The following RIMS2 variants were observed in gnomAD, a reference collection of about 807,000 sequenced individuals.
RIMS2 encodes the protein regulating synaptic membrane exocytosis 2.
In RIMS2, 59 loss-of-function variants were observed where a neutral mutation model predicts 174.4. That is an observed-to-expected ratio of 0.34 (90% confidence interval 0.27 to 0.42). RIMS2 has a LOEUF of 0.42. Ranked by LOEUF, RIMS2 falls within the 10% of genes least tolerant of loss-of-function variation. The pLI is 1.00. For synonymous variants in RIMS2, 606 were observed against 572.5 expected, an observed-to-expected ratio of 1.06 and a Z score of -0.84; for missense variants, 1,620 against 1,666.3, an observed-to-expected ratio of 0.97 and a Z score of 0.48.
chr8:103,969,666 A>C (rs1008856088), intron 15 of RIMS2, among the ~76,000 whole-genome samples: 4 of 152,206 alleles, frequency 2.6e-5, no homozygotes, highest in Non-Finnish European at 5.9e-5. Flanking sequence ...TCAGTCTTAT[A>C]AATCCAGCAT....
chr8:104,157,909 T>C (rs1006834675), intron 19 of RIMS2, among the ~76,000 whole-genome samples: 2 of 152,210 alleles, frequency 1.3e-5, no homozygotes, highest in African/African-American at 4.8e-5. Context: ...GGTTTTCTAA[T>C]TATTGTTATT....
chr8:103,731,800 A>G (rs1345252083), intron 2 of RIMS2, among the ~76,000 whole-genome samples: 1 of 152,110 alleles, frequency 6.6e-6, no homozygotes, highest in African/African-American at 2.4e-5. Context: ...ATTCTTTTGA[A>G]TCATTTCAAT....
At chr8:103,883,821 C>T (rs966285443) in intron 3 of RIMS2, among the ~76,000 whole-genome samples, 1 of 151,784 alleles carries the variant, frequency 6.6e-6, no homozygotes. Context: ...CCTGGGCAAA[C>T]TCCTGTTAAT....
chr8:104,148,649 AG>A, intron 19 of RIMS2: 2 of 1,598,188 alleles, frequency 1.3e-6, no homozygotes, highest in Non-Finnish European at 1.7e-6. Flanking sequence ...TGGGCATATC[AG>A]GGAAGAACAT....
intron 1 of RIMS2, among the ~76,000 whole-genome samples, chr8:103,614,112 G>C (rs954177742): frequency 2.0e-5 from 3 of 152,222 alleles, no homozygotes; most frequent in African/African-American, 7.2e-5. Context: ...AAGTTGCCTA[G>C]GAATTGCAGT....
At chr8:103,612,437 G>T (rs1181744902) in intron 1 of RIMS2, among the ~76,000 whole-genome samples, 1 of 152,150 alleles carries the variant, frequency 6.6e-6, no homozygotes, top group Non-Finnish European at 1.5e-5. Context: ...TCTTGAGAAG[G>T]TGTTTCAGGT....
At chr8:103,539,111 A>T (rs1441492421) in intron 1 of RIMS2, among the ~76,000 whole-genome samples, 1 of 152,196 alleles carries the variant, frequency 6.6e-6, no homozygotes, top group African/African-American at 2.4e-5. Context: ...AGGCAGGAGG[A>T]TCACTTGAGT....
At chr8:103,551,939 A>G (rs1483410735) in intron 1 of RIMS2, among the ~76,000 whole-genome samples, 1 of 152,206 alleles carries the variant, frequency 6.6e-6, no homozygotes, top group Non-Finnish European at 1.5e-5. Context: ...CCACTGCTCA[A>G]CGAAATAAAA....
chr8:103,580,848 G>C (rs1339933215), intron 1 of RIMS2, among the ~76,000 whole-genome samples: 1 of 31,752 alleles, frequency 3.1e-5, no homozygotes, highest in Non-Finnish European at 6.2e-5. Context: ...TTTTTTTTTT[G>C]AGACAGAGTC....
intron 19 of RIMS2, among the ~76,000 whole-genome samples, chr8:104,058,498 T>A (rs200043710): frequency 0.013 from 1,974 of 150,538 alleles, 28 homozygotes; most frequent in Middle Eastern, 0.11. Flanking sequence ...GTTGCAAAAA[T>A]TTTCTCCCAT....
intron 2 of RIMS2, among the ~76,000 whole-genome samples, chr8:103,734,720 A>G (rs922348041): frequency 6.6e-6 from 1 of 152,016 alleles, no homozygotes; most frequent in African/African-American, 2.4e-5. Flanking sequence ...AAAGTCTAGC[A>G]TGTCTGAAGC....
At chr8:104,068,577 T>A in intron 19 of RIMS2, 2 of 1,569,900 alleles carry the variant, frequency 1.3e-6, no homozygotes, top group South Asian at 2.3e-5. Context: ...GGTAGCCGGA[T>A]CAGATCCCAG....
rs1252671362 is a variant in RIMS2 at position 103,747,228 on chromosome 8, G to T, written c.388-18999G>T. On this transcript the variant is annotated intron_variant, in intron 2 of 23. Coordinates refer to ENST00000504942, the Ensembl canonical transcript of RIMS2. ...TCTAGCATTAGGTATATCTCCCAATGCTATCCCTCCCCCCTCCCCCCACCC... is the reference window on the plus strand; with the variant it reads ...TCTAGCATTAGGTATATCTCCCAATTCTATCCCTCCCCCCTCCCCCCACCC... Among the ~76,000 whole-genome samples, 3 of 147,028 alleles carry T rather than the reference G, an allele frequency of 2.0e-5. No homozygotes were observed. The East Asian group carries it at 6.1e-4, about 30-fold the overall frequency.
chr8:103,664,357 A>G (rs960798180), intron 1 of RIMS2, among the ~76,000 whole-genome samples: 8 of 152,214 alleles, frequency 5.3e-5, no homozygotes, highest in African/African-American at 1.9e-4. Flanking sequence ...AGAATGGGAG[A>G]AAACCTTTGC....
intron 1 of RIMS2, among the ~76,000 whole-genome samples, chr8:103,555,322 A>G (rs1000122775): frequency 6.6e-6 from 1 of 152,228 alleles, no homozygotes; most frequent in East Asian, 1.9e-4. Flanking sequence ...AAGATATATT[A>G]CCTCACAACT....
chr8:103,708,513 C>G (rs572053139), intron 2 of RIMS2, among the ~76,000 whole-genome samples: 1 of 152,066 alleles, frequency 6.6e-6, no homozygotes, highest in Non-Finnish European at 1.5e-5. Flanking sequence ...CATGAAGGTG[C>G]CTTTTTGTGT....
chr8:103,942,013 G>A (rs566693010), intron 13 of RIMS2, among the ~76,000 whole-genome samples: 1 of 152,232 alleles, frequency 6.6e-6, no homozygotes, highest in African/African-American at 2.4e-5. Context: ...TAACTTTTAA[G>A]TTCAGGGATA....
At chr8:103,982,823 T>C (rs2094025324) in intron 16 of RIMS2, among the ~76,000 whole-genome samples, 1 of 152,166 alleles carries the variant, frequency 6.6e-6, no homozygotes, top group African/African-American at 2.4e-5. Context: ...TGAAAGCCTT[T>C]CCTCTAAGAT....
At chr8:103,825,446 ATT>A (rs35460743) in intron 3 of RIMS2, among the ~76,000 whole-genome samples, 72 of 131,842 alleles carry the variant, frequency 5.5e-4, no homozygotes, top group Non-Finnish European at 8.4e-4. Context: ...TGGCTAGCTA[ATT>A]TTTTTTTTTT....
Sources: allele counts gnomAD v4.1 joint callset (sites outside exome capture counted in the v4.1 genomes callset), GRCh38; gene constraint gnomAD v4.1.1; transcripts MANE v1.5; gene names NCBI Gene and HGNC (gene_info 2026-07-23, HGNC 2026-07-21).